Variants in PPM1E observed in about 807,000 individuals in gnomAD.
PPM1E encodes protein phosphatase, Mg2+/Mn2+ dependent 1E, also known as protein phosphatase 1E.
A neutral mutation model predicts 65.9 loss-of-function variants in PPM1E; 20 were observed. The ratio of observed to expected loss-of-function variants is 0.30; its 90% CI spans 0.21 to 0.44. The LOEUF (loss-of-function observed/expected upper bound fraction) is 0.44, where lower values mean the gene tolerates loss of function less well. PPM1E is among the 20% of genes least tolerant of loss of function. The probability of loss-of-function intolerance (pLI) is 1.00; values close to 1 mark genes in which losing one functional copy is unlikely to be tolerated. For missense variants in PPM1E, 713 were observed against 953.1 expected (o/e 0.75, Z 3.32); for synonymous variants, 352 against 374.9 (o/e 0.94, Z 0.70).
chr17:58,829,171 T>G (rs2050573532), intron 1 of PPM1E, among the ~76,000 whole-genome samples: 1 of 151,758 alleles, frequency 6.6e-6, no homozygotes, highest in Non-Finnish European at 1.5e-5. Flanking sequence ...GTCTCCTGAG[T>G]AGCTGGGATT....
At chr17:58,793,888 A>G (rs1051312772) in intron 1 of PPM1E, among the ~76,000 whole-genome samples, 2 of 151,688 alleles carry the variant, frequency 1.3e-5, no homozygotes, top group Non-Finnish European at 2.9e-5. Flanking sequence ...CTGTTGCCCA[A>G]GCTGAAGTGC....
At position 58,756,225 on chromosome 17, in the gene PPM1E, G is replaced by A. The variant is rs1211158873; in HGVS notation, c.228G>A (p.Thr76=). ...PGEEAATVAA[T]EEGDQEQDPE... is the part of the protein sequence containing the mutation. ...AGGAGGCGGCCACGGTAGCCGCGACGGAGGAGGGGGACCAGGAGCAAGACC... is the reference window on the plus strand; with the variant it reads ...AGGAGGCGGCCACGGTAGCCGCGACAGAGGAGGGGGACCAGGAGCAAGACC... Residue 76 remains threonine (T), a synonymous_variant, in exon 1 of 7, where the codon ACG becomes ACA. Transcript: ENST00000308249. 3.9e-6 allele frequency: 6 copies of A among 1,553,460 alleles called. No individual in the cohort carries two copies. In the East Asian group the frequency reaches 1.5e-4, roughly 38 times the overall value.
intron 1 of PPM1E, among the ~76,000 whole-genome samples, chr17:58,767,018 A>G (rs1338509072): frequency 6.6e-6 from 1 of 152,160 alleles, no homozygotes; most frequent in African/African-American, 2.4e-5. Context: ...TTTTGTGTCT[A>G]ATAAAAACCC....
chr17:58,965,073 TACACAC>T (rs1181922399), intron 2 of PPM1E, among the ~76,000 whole-genome samples: 2 of 148,642 alleles, frequency 1.3e-5, no homozygotes, highest in Non-Finnish European at 3.0e-5. Flanking sequence ...AGTATATATA[TACACAC>T]ACACACACAC....
At chr17:58,793,418 C>T (rs979335811) in intron 1 of PPM1E, among the ~76,000 whole-genome samples, 8 of 151,546 alleles carry the variant, frequency 5.3e-5, no homozygotes, top group East Asian at 1.9e-4. Context: ...TGCAGTGGCG[C>T]GATCTCGGCT....
chr17:58,765,179 CT>C (rs11298918), intron 1 of PPM1E, among the ~76,000 whole-genome samples: 18,491 of 131,892 alleles, frequency 0.14, 1,236 homozygotes, highest in East Asian at 0.28. Flanking sequence ...TTCTTTCTTT[CT>C]TTTTTTTTTT....
At chr17:58,758,176 T>G (rs1200261382) in intron 1 of PPM1E, among the ~76,000 whole-genome samples, 2 of 151,890 alleles carry the variant, frequency 1.3e-5, no homozygotes, top group African/African-American at 4.8e-5. Flanking sequence ...ACATTTGCCA[T>G]GTAAGAAGGT....
intron 1 of PPM1E, among the ~76,000 whole-genome samples, chr17:58,836,490 G>A (rs1278590405): frequency 2.0e-5 from 3 of 150,046 alleles, no homozygotes; most frequent in Non-Finnish European, 4.4e-5. Context: ...TTGAGACGGA[G>A]TCTTGCTCTG....
chr17:58,895,632 C>A lies in PPM1E; in HGVS notation c.465-60017C>A, dbSNP rs1016124053. On this transcript the variant is annotated intron_variant, in intron 1 of 6. Coordinates refer to ENST00000308249, the MANE Select transcript of PPM1E (RefSeq NM_014906.5). ...GACCAGTGCTGGCAACAGTGAGACCCCCATCTCTACAAAAAATAAAAATAA... is the reference window on the plus strand; with the variant it reads ...GACCAGTGCTGGCAACAGTGAGACCACCATCTCTACAAAAAATAAAAATAA... 3.0e-4 allele frequency among the ~76,000 whole-genome samples: 46 copies of A among 151,770 alleles called. 1 individual carries two copies. Among genetic ancestry groups the A allele is most frequent in the Admixed American group, 1.4e-3 (21 of 15,230 alleles).
chr17:58,780,025 T>C (rs2050036198), intron 1 of PPM1E, among the ~76,000 whole-genome samples: 1 of 152,238 alleles, frequency 6.6e-6, no homozygotes, highest in African/African-American at 2.4e-5. Context: ...TTTTTTGTGT[T>C]ACAAAGAATG....
chr17:58,760,584 G>A (rs2049812048), intron 1 of PPM1E, among the ~76,000 whole-genome samples: 1 of 152,162 alleles, frequency 6.6e-6, no homozygotes, highest in South Asian at 2.1e-4. Context: ...TAGCCAAAAT[G>A]TTTAATTGTC....
chr17:58,895,970 C>A (rs1270464510), intron 1 of PPM1E, among the ~76,000 whole-genome samples: 1 of 147,540 alleles, frequency 6.8e-6, no homozygotes, highest in Non-Finnish European at 1.5e-5. Flanking sequence ...AAAAAATTAG[C>A]TGGGTGTGGT....
In PPM1E at chr17:58,980,880, CACTT is replaced by C; in HGVS notation, c.2121_2124del (p.Thr708GlufsTer8). Reference sequence around the variant, plus strand: ...CACAAAATAGGCACTAGCCTGTCCTCACTTACTGGAAGTGGGAAGAGAAATAGGA... The same window carrying C: ...CACAAAATAGGCACTAGCCTGTCCTCACTGGAAGTGGGAAGAGAAATAGGA... On this transcript the variant is annotated frameshift_variant, in exon 7 of 7. Coordinates refer to ENST00000308249, the MANE Select transcript of PPM1E (RefSeq NM_014906.5). LOFTEE classifies it high-confidence loss of function. The surrounding 1 kb of genome is among the most constrained non-coding windows in gnomAD (Gnocchi z 4.7). 3 of 1,614,190 alleles carry C rather than the reference CACTT, an allele frequency of 1.9e-6. No homozygotes were observed. Among genetic ancestry groups the C allele is most frequent in the Non-Finnish European group, 2.5e-6 (3 of 1,180,022 alleles).
intron 1 of PPM1E, among the ~76,000 whole-genome samples, chr17:58,808,609 T>C (rs1391390318): frequency 2.0e-5 from 3 of 152,008 alleles, no homozygotes; most frequent in African/African-American, 7.2e-5. Context: ...GAGTATAAAA[T>C]TAAACATCAA....
At chr17:58,940,654 C>A (rs2052051935) in intron 1 of PPM1E, among the ~76,000 whole-genome samples, 1 of 152,122 alleles carries the variant, frequency 6.6e-6, no homozygotes. Context: ...ATATCCTTTT[C>A]TTTTGGAACT....
At chr17:58,822,326 TTTTATTTATTTA>T (rs143533991) in intron 1 of PPM1E, among the ~76,000 whole-genome samples, 3,109 of 141,978 alleles carry the variant, frequency 0.022, 101 homozygotes, top group African/African-American at 0.072. Context: ...CTGAATTTAT[TTTTATTTATTTA>T]TTTATTTATT....
At chr17:58,966,372 A>G in intron 3 of PPM1E, 1 of 360,424 alleles carries the variant, frequency 2.8e-6, no homozygotes, top group Non-Finnish European at 5.3e-6. Context: ...AAAGAAAGAA[A>G]AGAAAAAACA....
chr17:58,784,189 A>AT (rs1261687851), intron 1 of PPM1E, among the ~76,000 whole-genome samples: 1 of 148,406 alleles, frequency 6.7e-6, no homozygotes, highest in Non-Finnish European at 1.5e-5. Flanking sequence ...CACCCAGCTA[A>AT]TTTTTTGTAT....
intron 1 of PPM1E, among the ~76,000 whole-genome samples, chr17:58,928,795 C>T (rs1468962389): frequency 2.0e-5 from 3 of 151,730 alleles, no homozygotes; most frequent in Admixed American, 6.6e-5. Flanking sequence ...CTTCGCCTCC[C>T]GGGTTCAAGT....
Sources: gnomAD v4.1 joint callset for allele counts (sites outside exome capture counted in the v4.1 genomes callset) on GRCh38, gnomAD v4.1.1 for gene constraint, Gnocchi (gnomAD v3.1) non-coding constraint, MANE v1.5 for transcripts, NCBI Gene and HGNC (gene_info 2026-07-23, HGNC 2026-07-21) for gene names.